The following PARVG variants were observed in gnomAD, a reference collection of about 807,000 sequenced individuals.
PARVG encodes parvin gamma, also known as gamma-parvin.
A neutral mutation model predicts 44.4 loss-of-function variants in PARVG; 36 were observed. The observed-to-expected ratio is 0.81, with a 90% CI of 0.62 to 1.07. The LOEUF (loss-of-function observed/expected upper bound fraction) is 1.07, where lower values mean the gene tolerates loss of function less well. Ranked by LOEUF, PARVG falls within the 50% of genes least tolerant of loss-of-function variation. The probability of loss-of-function intolerance (pLI) is 0.00; values close to 1 mark genes in which losing one functional copy is unlikely to be tolerated. For missense variants in PARVG, 407 were observed against 407.4 expected, an observed-to-expected ratio of 1.00 and a Z score of 0.01; for synonymous variants, 170 against 174.1, an observed-to-expected ratio of 0.98 and a Z score of 0.19.
chr22:44,187,892 T>C lies in PARVG; in HGVS notation c.247+14T>C, dbSNP rs1197929757. 3.1e-6 allele frequency: 5 copies of C among 1,613,850 alleles called. No individual in the cohort carries two copies. The highest frequency in any genetic ancestry group is 2.7e-5 in the African/African-American group (2 of 74,950). On this transcript the variant is annotated intron_variant, in intron 5 of 13. Coordinates refer to ENST00000444313, the MANE Select transcript of PARVG (RefSeq NM_022141.7). The stretch of plus-strand genomic sequence containing the variant: ...ACCACCTATTCCGTAAGTGGCTGTT[T>C]CTGGGGCTGCCTGGGCCTCGGCCCC...
intron 1 of PARVG, among the ~76,000 whole-genome samples, chr22:44,175,384 C>G (rs1419943235): frequency 6.6e-6 from 1 of 152,222 alleles, no homozygotes. Context: ...CTTCTGAGGT[C>G]ACCTCTGTTC....
At chr22:44,188,131 C>T in intron 5 of PARVG, 1 of 557,444 alleles carries the variant, frequency 1.8e-6, no homozygotes, top group Non-Finnish European at 3.2e-6. Flanking sequence ...CCACACCACA[C>T]TGCCTCTCTA....
chr22:44,197,798 C>T (rs1013078625), intron 11 of PARVG, among the ~76,000 whole-genome samples: 10 of 152,240 alleles, frequency 6.6e-5, no homozygotes, highest in South Asian at 2.1e-4. Context: ...TTACCTGGCA[C>T]GCTGCCGGCA....
chr22:44,206,671 A>G lies in PARVG; in HGVS notation c.*245A>G. 1 of 494,256 alleles carries G rather than the reference A, an allele frequency of 2.0e-6. No homozygotes were observed. The highest frequency in any genetic ancestry group is 3.7e-6 in the Non-Finnish European group (1 of 272,660). The allele number at this position is 494,256 out of a possible 1,614,324, so 30.6% of individuals were successfully genotyped here. ...CTGGGAGGGATTCTGGGAACTTGAC[A>G]GGGTCCTGAGGAGGGCCCTTAAACC... On this transcript the variant is annotated 3_prime_UTR_variant, in exon 14 of 14. Coordinates refer to ENST00000444313, the MANE Select transcript of PARVG (RefSeq NM_022141.7).
rs11913410 is a variant in PARVG, at chr22:44,187,555, G to A, written c.145-221G>A. ...CACATGATAATGACAGCCCCACACT[G>A]CTCAGGTTTGTGATGGAGAGAAGCA... On this transcript the variant is annotated intron_variant, in intron 4 of 13. Coordinates refer to ENST00000444313, the MANE Select transcript of PARVG (RefSeq NM_022141.7). The A allele has an allele frequency of 3.3e-3, 1,973 of 598,188 alleles. 27 individuals are homozygous for A. Among genetic ancestry groups the A allele is most frequent in the African/African-American group, 0.032 (1,717 of 54,110 alleles). 37.1% of individuals were successfully genotyped at this position (598,188 alleles called of 1,614,324 possible). A position where few individuals can be genotyped will look rare whatever the true frequency, so the allele number is the denominator to read the frequency against.
chr22:44,206,327 C>T lies in PARVG; in HGVS notation c.897C>T (p.Asn299=), dbSNP rs2054780818. 1 of 1,613,530 alleles carries T rather than the reference C, an allele frequency of 6.2e-7. No individual in the cohort carries two copies. Among genetic ancestry groups the T allele is most frequent in the Non-Finnish European group, 8.5e-7 (1 of 1,179,742 alleles). Residue 299 remains asparagine, a synonymous_variant, in exon 14 of 14, where the codon AAC becomes AAT. Transcript: ENST00000444313. ...SCPVSPEDIV[N]KDAKSTLRVL... The stretch of plus-strand genomic sequence containing the variant: ...TCCTTTGGCCCGCAGATATCGTGAA[C>T]AAGGATGCCAAGAGCACACTGAGGG...
At chr22:44,195,061 G>T (rs1237610570) in intron 9 of PARVG, among the ~76,000 whole-genome samples, 2 of 152,174 alleles carry the variant, frequency 1.3e-5, no homozygotes, top group Non-Finnish European at 2.9e-5. Context: ...CCCTGCAGAG[G>T]TAGAGATAAT....
rs1384549868 is a variant in PARVG at position 44,182,496 on chromosome 22, A to G, written c.-13+579A>G. 6.6e-6 allele frequency among the ~76,000 whole-genome samples: 1 copy of G among 152,128 alleles called. No homozygotes were observed. The highest frequency in any genetic ancestry group is 2.4e-5 in the African/African-American group (1 of 41,430). On this transcript the variant is annotated intron_variant, in intron 2 of 13. Transcript: ENST00000444313. This position sits in a 1 kb window ranked among gnomAD's most constrained non-coding sequence, Gnocchi z 4.6. ...CCGCCCCAGGCTGGCTGCTGGTGTG[A>G]CATGGGTGGCTCCAGTCGAGTGAAT...
chr22:44,173,051 C>T (rs1487174431), exon 1 of PARVG: 4 of 1,289,788 alleles, frequency 3.1e-6, no homozygotes, highest in South Asian at 2.5e-5. Context: ...CTCCACCCAG[C>T]GCTGCTTCCC....
chr22:44,194,247 T>C (rs2054588364), intron 9 of PARVG, among the ~76,000 whole-genome samples: 1 of 152,234 alleles, frequency 6.6e-6, no homozygotes, highest in African/African-American at 2.4e-5. Flanking sequence ...AGATAATGTA[T>C]GAGTGTGTTC....
In PARVG at chr22:44,206,357, C is replaced by T; in HGVS notation, c.927C>T (p.Leu309=). The stretch of plus-strand genomic sequence containing the variant: ...ATGCCAAGAGCACACTGAGGGTGCT[C>T]TATGGTCTGTTCTGCAAGCACACGC... ...NKDAKSTLRV[L]YGLFCKHTQK... Residue 309 remains leucine, a synonymous_variant, in exon 14 of 14, where the codon CTC becomes CTT. Coordinates refer to ENST00000444313, the MANE Select transcript of PARVG (RefSeq NM_022141.7). The T allele has an allele frequency of 3.7e-6, 6 of 1,613,976 alleles. No individual in the cohort carries two copies. The highest frequency in any genetic ancestry group is 1.6e-4 in the Middle Eastern group (1 of 6,062).
At chr22:44,186,350 C>G (rs1315570041) in intron 4 of PARVG, 1 of 343,550 alleles carries the variant, frequency 2.9e-6, no homozygotes, top group African/African-American at 2.1e-5. Context: ...TCTCCTTGGT[C>G]ATGGGTCTGC....
chr22:44,206,451 GC>G lies in PARVG; in HGVS notation c.*27del, dbSNP rs759288871. Reference sequence around the variant, plus strand: ...ACCCTCACTGCCTCCAAAGCCCAGAGCCTGCCTGTCAGCCCAGCTGGAGGGC... The same window carrying G: ...ACCCTCACTGCCTCCAAAGCCCAGAGCTGCCTGTCAGCCCAGCTGGAGGGC... On this transcript the variant is annotated 3_prime_UTR_variant, in exon 14 of 14. Transcript: ENST00000444313. 1.2e-6 allele frequency: 2 copies of G among 1,608,042 alleles called. No individual in the cohort carries two copies. Among genetic ancestry groups the G allele is most frequent in the Non-Finnish European group, 1.7e-6 (2 of 1,174,724 alleles).
intron 4 of PARVG, chr22:44,186,833 T>C (rs2054478736): frequency 5.3e-6 from 2 of 375,842 alleles, no homozygotes; most frequent in African/African-American, 2.1e-5. Flanking sequence ...GGAGCCAGCA[T>C]AGAGCAAGTT....
chr22:44,201,124 C>T (rs2054701853), intron 12 of PARVG, among the ~76,000 whole-genome samples: 1 of 152,176 alleles, frequency 6.6e-6, no homozygotes, highest in South Asian at 2.1e-4. Context: ...CCTGGCTTTG[C>T]TTCCCACCTG....
At chr22:44,185,557 A>C (rs1043446286) in intron 3 of PARVG, 7 of 407,526 alleles carry the variant, frequency 1.7e-5, no homozygotes, top group Non-Finnish European at 3.2e-5. Flanking sequence ...CAAACATAGG[A>C]TACCCAGTTA....
At chr22:44,196,767 T>G (rs1345917242) in intron 11 of PARVG, among the ~76,000 whole-genome samples, 1 of 152,204 alleles carries the variant, frequency 6.6e-6, no homozygotes, top group Non-Finnish European at 1.5e-5. Flanking sequence ...CCAAACAGAA[T>G]TTATTAGATT....
At chr22:44,197,408 G>T (rs1038494990) in intron 11 of PARVG, among the ~76,000 whole-genome samples, 6 of 152,208 alleles carry the variant, frequency 3.9e-5, no homozygotes, top group African/African-American at 1.2e-4. Context: ...GGCACAGAGA[G>T]GTTAATTAAC....
rs753083932 is a variant in PARVG at position 44,189,094 on chromosome 22, C to T, written c.248-20C>T. On this transcript the variant is annotated intron_variant, in intron 5 of 13. Coordinates refer to ENST00000444313, the MANE Select transcript of PARVG (RefSeq NM_022141.7). ...GTCTGTCCCCGGCCAGGGGTCCTCA[C>T]CACCCTCTCCTGCCTCCAGAGAGGC... The T allele has an allele frequency of 1.2e-6, 2 of 1,613,764 alleles. No homozygotes were observed. Among genetic ancestry groups the T allele is most frequent in the Non-Finnish European group, 1.7e-6 (2 of 1,180,002 alleles).
Sources: allele counts gnomAD v4.1 joint callset (sites outside exome capture counted in the v4.1 genomes callset), GRCh38; gene constraint gnomAD v4.1.1; non-coding constraint Gnocchi (gnomAD v3.1); transcripts MANE v1.5; gene names NCBI Gene and HGNC (gene_info 2026-07-23, HGNC 2026-07-21).